MLLT3: variants seen among roughly 807,000 people sequenced by gnomAD.
MLLT3 encodes the protein MLLT3 super elongation complex subunit, also known as protein AF-9.
Under a neutral mutation model 53.2 loss-of-function variants are expected in MLLT3, and 4 were observed. That is an observed-to-expected ratio of 0.08 (90% CI 0.04 to 0.17). The LOEUF (loss-of-function observed/expected upper bound fraction) is 0.17, where lower values mean the gene tolerates loss of function less well. Among genes scored for constraint, MLLT3 ranks in the 10% least tolerant of loss-of-function variants. The probability of loss-of-function intolerance (pLI) is 1.00; values close to 1 mark genes in which losing one functional copy is unlikely to be tolerated. For synonymous variants in MLLT3, 283 were observed against 230.6 expected (o/e 1.23, Z -2.06); for missense variants, 569 against 684.0 (o/e 0.83, Z 1.87).
At chr9:20,509,493 C>G (rs1587007546) in intron 2 of MLLT3, among the ~76,000 whole-genome samples, 1 of 152,088 alleles carries the variant, frequency 6.6e-6, no homozygotes, top group African/African-American at 2.4e-5. Flanking sequence ...TAAGAGGTGG[C>G]CCTTTTGAAT....
intron 2 of MLLT3, among the ~76,000 whole-genome samples, chr9:20,517,859 G>A (rs890681948): frequency 2.6e-5 from 4 of 151,746 alleles, no homozygotes; most frequent in African/African-American, 9.7e-5. Flanking sequence ...AAAGAAAAAA[G>A]CGAGAAATCA....
intron 4 of MLLT3, among the ~76,000 whole-genome samples, chr9:20,421,753 G>A (rs1823014096): frequency 6.6e-6 from 1 of 151,928 alleles, no homozygotes; most frequent in Non-Finnish European, 1.5e-5. Context: ...TCCATAAAAG[G>A]AATAAGATTA....
chr9:20,423,664 A>AG (rs1823071800), intron 4 of MLLT3, among the ~76,000 whole-genome samples: 1 of 151,498 alleles, frequency 6.6e-6, no homozygotes, highest in Admixed American at 6.6e-5. Context: ...AAAAAAAAAA[A>AG]TTAGCCAGGC....
At chr9:20,393,198 T>C (rs1055455683) in intron 5 of MLLT3, among the ~76,000 whole-genome samples, 8 of 152,144 alleles carry the variant, frequency 5.3e-5, no homozygotes, top group Non-Finnish European at 1.2e-4. Flanking sequence ...TTGCATTCTC[T>C]AGTCAACCTT....
intron 2 of MLLT3, among the ~76,000 whole-genome samples, chr9:20,619,418 G>C (rs1269683012): frequency 6.7e-6 from 1 of 149,640 alleles, no homozygotes; most frequent in African/African-American, 2.5e-5. Flanking sequence ...ACAAACCTCT[G>C]CCACCTCTAA....
intron 5 of MLLT3, among the ~76,000 whole-genome samples, chr9:20,367,755 C>G (rs1477209185): frequency 6.6e-6 from 1 of 152,074 alleles, no homozygotes; most frequent in Admixed American, 6.5e-5. Context: ...CTTTTTAATT[C>G]AAGGTGACCA....
chr9:20,356,399 C>T lies in MLLT3; in HGVS notation c.1432-1520G>A, dbSNP rs573156473. Among the ~76,000 whole-genome samples the T allele has an allele frequency of 3.9e-5, 6 of 152,098 alleles. No individual in the cohort carries two copies. In the South Asian group the frequency reaches 8.3e-4, roughly 21 times the overall value. ...CCACTGTAAAGGAAACCAAATACTC[C>T]ACTACATTCAGAATTTCCTCCTCCA... On this transcript the variant is annotated intron_variant, in intron 8 of 10. Transcript: ENST00000380338.
At chr9:20,489,791 G>A (rs1020123978) in intron 2 of MLLT3, among the ~76,000 whole-genome samples, 21 of 152,102 alleles carry the variant, frequency 1.4e-4, no homozygotes, top group African/African-American at 4.8e-4. Context: ...TTTATTTTGT[G>A]ATTTGATGAC....
At chr9:20,595,858 G>T (rs1024686246) in intron 2 of MLLT3, among the ~76,000 whole-genome samples, 3 of 152,142 alleles carry the variant, frequency 2.0e-5, no homozygotes, top group African/African-American at 7.2e-5. Flanking sequence ...AGAAGTCCGG[G>T]AAATCTGTTA....
chr9:20,594,573 C>T (rs1820205828), intron 2 of MLLT3, among the ~76,000 whole-genome samples: 2 of 152,078 alleles, frequency 1.3e-5, no homozygotes, highest in East Asian at 1.9e-4. Context: ...GGCTACATTC[C>T]CAGAAGATTA....
At chr9:20,519,088 A>C (rs1587017346) in intron 2 of MLLT3, among the ~76,000 whole-genome samples, 1 of 152,232 alleles carries the variant, frequency 6.6e-6, no homozygotes, top group East Asian at 1.9e-4. Flanking sequence ...ACCAGAAGAA[A>C]TTTAGATTAC....
At chr9:20,552,779 G>A (rs868091822) in intron 2 of MLLT3, among the ~76,000 whole-genome samples, 9 of 152,178 alleles carry the variant, frequency 5.9e-5, no homozygotes, top group Middle Eastern at 3.4e-3. Flanking sequence ...GAAAGTTTAA[G>A]AAGTCAAATA....
At chr9:20,570,854 C>T (rs148265711) in intron 2 of MLLT3, among the ~76,000 whole-genome samples, 1,567 of 152,270 alleles carry the variant, frequency 0.01, 14 homozygotes, top group Non-Finnish European at 0.012. Context: ...TAACTTCCCA[C>T]TTAGAAAAGG....
intron 5 of MLLT3, among the ~76,000 whole-genome samples, chr9:20,412,393 C>A (rs1822751406): frequency 6.6e-6 from 1 of 152,134 alleles, no homozygotes; most frequent in Admixed American, 6.6e-5. Flanking sequence ...AACAAATTTT[C>A]CCAATGTCCA....
chr9:20,403,378 G>A (rs541481002), intron 5 of MLLT3, among the ~76,000 whole-genome samples: 41 of 152,296 alleles, frequency 2.7e-4, no homozygotes, highest in African/African-American at 9.9e-4. Context: ...AGCTGTTAAT[G>A]TATCTACAGG....
chr9:20,398,394 G>A (rs1053747241), intron 5 of MLLT3, among the ~76,000 whole-genome samples: 11 of 152,050 alleles, frequency 7.2e-5, no homozygotes, highest in Non-Finnish European at 1.3e-4. Flanking sequence ...TTAATTATAC[G>A]GTTGTAGTTA....
At chr9:20,526,906 C>T (rs1818217638) in intron 2 of MLLT3, among the ~76,000 whole-genome samples, 1 of 152,130 alleles carries the variant, frequency 6.6e-6, no homozygotes, top group Non-Finnish European at 1.5e-5. Flanking sequence ...AGGCACCTTT[C>T]ATATGTTTAT....
intron 2 of MLLT3, among the ~76,000 whole-genome samples, chr9:20,580,261 T>C (rs1166039567): frequency 1.3e-5 from 2 of 152,200 alleles, no homozygotes; most frequent in Non-Finnish European, 2.9e-5. Flanking sequence ...GTTAAATCCC[T>C]TCTCTCCATT....
At chr9:20,585,385 C>A (rs1819926409) in intron 2 of MLLT3, among the ~76,000 whole-genome samples, 1 of 152,188 alleles carries the variant, frequency 6.6e-6, no homozygotes. Flanking sequence ...GCTCTATCTA[C>A]AAATACAGTC....
Sources: allele counts gnomAD v4.1 joint callset (sites outside exome capture counted in the v4.1 genomes callset), GRCh38; gene constraint gnomAD v4.1.1; transcripts MANE v1.5; gene names NCBI Gene and HGNC (gene_info 2026-07-23, HGNC 2026-07-21).